The following ZNF277 variants were observed in gnomAD, a reference collection of about 807,000 sequenced individuals.
The protein encoded by ZNF277 is zinc finger protein 277.
In ZNF277, 55 loss-of-function variants were observed where a neutral mutation model predicts 60.7. The observed-to-expected ratio is 0.91, with a 90% CI of 0.73 to 1.13. ZNF277 has a LOEUF of 1.13. Among genes scored for constraint, ZNF277 ranks in the 50% most tolerant of loss-of-function variants. ZNF277 has a pLI of 0.00. For synonymous variants in ZNF277, 178 were observed against 179.3 expected (o/e 0.99, Z 0.06); for missense variants, 510 against 523.0 (o/e 0.98, Z 0.24).
Position 112,335,667 on chromosome 7 carries a change from T to G in ZNF277, c.802-437T>G, listed in dbSNP as rs1215292793. 1.3e-5 allele frequency among the ~76,000 whole-genome samples: 2 copies of G among 152,186 alleles called. 1 individual carries two copies. The highest frequency in any genetic ancestry group is 4.1e-4 in the South Asian group (2 of 4,834). Reference sequence around the variant, plus strand: ...TTTTTATTTTTTATTTCTAACAAATTGAATTCTACTTTCTAATTCAACTCA... The same window carrying G: ...TTTTTATTTTTTATTTCTAACAAATGGAATTCTACTTTCTAATTCAACTCA... On this transcript the variant is annotated intron_variant, in intron 7 of 11. Transcript: ENST00000361822.
chr7:112,340,849 A>G (rs1323494024), intron 10 of ZNF277, 23 bp from the exon 11 acceptor site: 2 of 1,605,426 alleles, frequency 1.2e-6, no homozygotes, highest in Admixed American at 1.7e-5. Flanking sequence ...TTGTCTAATG[A>G]TTCTGTATTT....
At chr7:112,329,533 A>C (rs1186553954) in intron 6 of ZNF277, among the ~76,000 whole-genome samples, 5 of 152,054 alleles carry the variant, frequency 3.3e-5, no homozygotes, top group Admixed American at 6.6e-5. Flanking sequence ...GTGCTCAATA[A>C]ATATATATAT....
intron 5 of ZNF277, 39 bp from the exon 6 acceptor site, chr7:112,327,678 G>C: frequency 6.6e-7 from 1 of 1,508,552 alleles, no homozygotes; most frequent in South Asian, 1.2e-5. Context: ...GTTCTTAGAT[G>C]ATTTGTGAAT....
intron 7 of ZNF277, 24 bp downstream of exon 7, chr7:112,330,240 A>C: frequency 1.2e-6 from 2 of 1,609,534 alleles, no homozygotes; most frequent in Non-Finnish European, 1.7e-6. Flanking sequence ...TTCATAACTT[A>C]AAATTTGATT....
chr7:112,221,306 T>C (rs1025500538), intron 1 of ZNF277, among the ~76,000 whole-genome samples: 45 of 152,192 alleles, frequency 3.0e-4, no homozygotes, highest in African/African-American at 1.0e-3. Context: ...ATTCCATTCC[T>C]TGGAATCCCT....
At chr7:112,245,217 T>C (rs797001797) in intron 1 of ZNF277, among the ~76,000 whole-genome samples, 3 of 152,284 alleles carry the variant, frequency 2.0e-5, no homozygotes, top group African/African-American at 7.2e-5. Flanking sequence ...CTTTCAGTTA[T>C]TCCTTTACCG....
chr7:112,310,454 T>TGAGAGAGAGAGAGAGAGAGAGAGAGA (rs377447375), intron 4 of ZNF277, among the ~76,000 whole-genome samples: 73 of 117,256 alleles, frequency 6.2e-4, no homozygotes, highest in Admixed American at 9.7e-4. Context: ...AGGTTAGGTT[T>TGAGAGAGAGAGAGAGAGAGAGAGAGA]GAGAGAGAGA....
At position 112,310,454 on chromosome 7, in the gene ZNF277, T is replaced by TGAGAGAGAGAGAGAGAGAGAGAGA. The variant is rs377447375; in HGVS notation, c.466-7726_466-7703dup. ...TTAGGGCCTACCTTTAGGTTAGGTT[T>TGAGAGAGAGAGAGAGAGAGAGAGA]GAGAGAGAGAGAGAGAGAGAGAGAG... On this transcript the variant is annotated intron_variant, in intron 4 of 11. Coordinates refer to ENST00000361822, the MANE Select transcript of ZNF277 (RefSeq NM_021994.3). 6.3e-3 allele frequency among the ~76,000 whole-genome samples: 732 copies of TGAGAGAGAGAGAGAGAGAGAGAGA among 117,114 alleles called. 8 individuals are homozygous for TGAGAGAGAGAGAGAGAGAGAGAGA. Among genetic ancestry groups the TGAGAGAGAGAGAGAGAGAGAGAGA allele is most frequent in the Non-Finnish European group, 6.0e-3 (342 of 56,688 alleles). 76.8% of individuals were successfully genotyped at this position (117,114 alleles called of 152,430 possible). A position where few individuals can be genotyped will look rare whatever the true frequency, so the allele number is the denominator to read the frequency against.
At chr7:112,317,901 T>C (rs3823514) in intron 4 of ZNF277, among the ~76,000 whole-genome samples, 49,451 of 151,922 alleles carry the variant, frequency 0.33, 10,613 homozygotes, top group African/African-American at 0.61. Context: ...TGGAAGAGGA[T>C]AGGGATGGGA....
At chr7:112,320,187 C>A (rs1251440112) in intron 5 of ZNF277, among the ~76,000 whole-genome samples, 1 of 152,096 alleles carries the variant, frequency 6.6e-6, no homozygotes, top group Non-Finnish European at 1.5e-5. Flanking sequence ...ATTGGTGTTT[C>A]TCTAGTTCCT....
At chr7:112,259,890 A>G (rs1791403238) in intron 1 of ZNF277, among the ~76,000 whole-genome samples, 1 of 152,190 alleles carries the variant, frequency 6.6e-6, no homozygotes, top group South Asian at 2.1e-4. Context: ...TCACTGACAT[A>G]CAAATACATT....
At chr7:112,284,348 G>A (rs1291232781) in intron 1 of ZNF277, among the ~76,000 whole-genome samples, 2 of 152,076 alleles carry the variant, frequency 1.3e-5, no homozygotes, top group Non-Finnish European at 2.9e-5. Flanking sequence ...TTTCCTACAT[G>A]GCAGGTAATA....
rs145651721 is a variant in ZNF277 at position 112,341,417 on chromosome 7, T to A, written c.1184+371T>A. 5.7e-4 allele frequency among the ~76,000 whole-genome samples: 87 copies of A among 152,326 alleles called. 2 individuals are homozygous for A. Among genetic ancestry groups the A allele is most frequent in the African/African-American group, 2.0e-3 (84 of 41,582 alleles). The stretch of plus-strand genomic sequence containing the variant: ...TTGCTAAATATCCATTGTATGGATA[T>A]AATCTATTCTGCGAGATACTTAGGT... On this transcript the variant is annotated intron_variant, in intron 11 of 11. Transcript: ENST00000361822.
Position 112,327,087 on chromosome 7 carries a change from T to C in ZNF277, c.558-630T>C, listed in dbSNP as rs1208613278. 2.6e-5 allele frequency among the ~76,000 whole-genome samples: 4 copies of C among 152,182 alleles called. No homozygotes were observed. The East Asian group carries it at 7.7e-4, about 29-fold the overall frequency. On this transcript the variant is annotated intron_variant, in intron 5 of 11. Transcript: ENST00000361822. ...GCTAAATGCCTGTGATCTTAGGTCA[T>C]AGCTGGTTGTATTTTCTGTTAGGCA...
At chr7:112,290,882 A>C (rs1017649850) in intron 2 of ZNF277, among the ~76,000 whole-genome samples, 2 of 152,056 alleles carry the variant, frequency 1.3e-5, no homozygotes, top group African/African-American at 4.8e-5. Flanking sequence ...GGTTGGGAGG[A>C]GGGAACATGA....
chr7:112,312,959 G>A lies in ZNF277; in HGVS notation c.466-5223G>A, dbSNP rs527623497. 7.7e-4 allele frequency among the ~76,000 whole-genome samples: 117 copies of A among 152,090 alleles called. 1 individual carries two copies. The highest frequency in any genetic ancestry group is 5.6e-4 in the Non-Finnish European group (38 of 67,988). On this transcript the variant is annotated intron_variant, in intron 4 of 11. Coordinates refer to ENST00000361822, the MANE Select transcript of ZNF277 (RefSeq NM_021994.3). ...TTAAAATATTTTTTTCATATTTTATGTATAAGTGAAAAATGGTCAAAAGTA... is the reference window on the plus strand; with the variant it reads ...TTAAAATATTTTTTTCATATTTTATATATAAGTGAAAAATGGTCAAAAGTA...
intron 1 of ZNF277, among the ~76,000 whole-genome samples, chr7:112,221,387 G>T (rs1289276311): frequency 1.3e-5 from 2 of 152,114 alleles, no homozygotes; most frequent in African/African-American, 2.4e-5. Flanking sequence ...ACCATCTCGG[G>T]AGCTCTGGGA....
intron 2 of ZNF277, chr7:112,287,285 G>GAAT: frequency 1.4e-5 from 8 of 561,036 alleles, no homozygotes; most frequent in Non-Finnish European, 2.2e-5. Flanking sequence ...TGAGGCAGGA[G>GAAT]GGCTGCTTGC....
chr7:112,250,198 A>G (rs186100979), intron 1 of ZNF277, among the ~76,000 whole-genome samples: 1,983 of 152,130 alleles, frequency 0.013, 48 homozygotes, highest in African/African-American at 0.046. Flanking sequence ...GACTGCAGAG[A>G]TGAAATAGAC....
Sources: allele counts gnomAD v4.1 joint callset (sites outside exome capture counted in the v4.1 genomes callset), GRCh38; gene constraint gnomAD v4.1.1; transcripts MANE v1.5; gene names NCBI Gene and HGNC (gene_info 2026-07-23, HGNC 2026-07-21).